Variants in TM9SF3 observed in about 807,000 individuals in gnomAD.
The protein encoded by TM9SF3 is SM-11044-binding protein.
Under a neutral mutation model 78.6 loss-of-function variants are expected in TM9SF3, and 14 were observed. That is an observed-to-expected ratio of 0.18 (90% CI 0.12 to 0.28). TM9SF3 has a LOEUF of 0.28. Ranked by LOEUF, TM9SF3 falls within the 10% of genes least tolerant of loss-of-function variation. The probability of loss-of-function intolerance (pLI) is 1.00; values close to 1 mark genes in which losing one functional copy is unlikely to be tolerated. For synonymous variants in TM9SF3, 231 were observed against 241.7 expected (o/e 0.96, Z 0.41); for missense variants, 496 against 721.9 (o/e 0.69, Z 3.59).
At chr10:96,533,281 C>G in intron 9 of TM9SF3, 91 bp from the exon 10 acceptor site, 1 of 1,442,560 alleles carries the variant, frequency 6.9e-7, no homozygotes, top group East Asian at 2.5e-5. Flanking sequence ...ACAATTTGAC[C>G]ACAAAAGAAA....
At chr10:96,525,841 CA>C (rs886170423) in intron 14 of TM9SF3, among the ~76,000 whole-genome samples, 166 of 151,498 alleles carry the variant, frequency 1.1e-3, no homozygotes, top group African/African-American at 3.8e-3. Flanking sequence ...ACACTGAGCC[CA>C]AAAAAAAGTG....
chr10:96,572,502 C>T (rs1848447101), intron 2 of TM9SF3, among the ~76,000 whole-genome samples: 1 of 151,236 alleles, frequency 6.6e-6, no homozygotes, highest in Non-Finnish European at 1.5e-5. Context: ...TCTAAGTCAG[C>T]CCTTCTATAT....
At chr10:96,549,650 A>T (rs1203495322) in intron 7 of TM9SF3, among the ~76,000 whole-genome samples, 9 of 152,150 alleles carry the variant, frequency 5.9e-5, no homozygotes, top group Admixed American at 5.9e-4. Context: ...GTACTTACAT[A>T]AGTAATGAAT....
At chr10:96,540,705 A>G (rs1380282146) in intron 9 of TM9SF3, among the ~76,000 whole-genome samples, 1 of 145,850 alleles carries the variant, frequency 6.9e-6, no homozygotes, top group Non-Finnish European at 1.5e-5. Context: ...TGCTTGCTTT[A>G]GCGTTTGTGA....
In TM9SF3 at chr10:96,533,160, T is replaced by C. The variant is rs752524997; in HGVS notation, c.1216A>G (p.Ile406Val). ...GTACCAACAAGATTTAGAGGAAGAA[T>C]AACAAAAAAACAGATGCAACAAACG... ...VAVCCICFFVILPLNLVGTIL... is the reference protein window; with the variant it reads ...VAVCCICFFVVLPLNLVGTIL... The change falls in exon 10 of 15, where the codon ATT (isoleucine) becomes GTT (valine). Residue 406 changes from isoleucine (I) to valine (V), a missense_variant. This residue lies in a region of TM9SF3 where 280 missense variants were observed against 422.6 expected (regional missense o/e 0.66). Transcript: ENST00000371142. 7 of 1,613,242 alleles carry C rather than the reference T, an allele frequency of 4.3e-6. No individual in the cohort carries two copies. The African/African-American group carries it at 8.0e-5, about 18-fold the overall frequency.
chr10:96,534,561 C>T (rs1211111075), intron 9 of TM9SF3, among the ~76,000 whole-genome samples: 1 of 151,820 alleles, frequency 6.6e-6, no homozygotes, highest in African/African-American at 2.4e-5. Flanking sequence ...TATATTTTTC[C>T]CTTAGTTTAC....
At chr10:96,583,855 G>A (rs1848601269) in intron 1 of TM9SF3, among the ~76,000 whole-genome samples, 1 of 152,118 alleles carries the variant, frequency 6.6e-6, no homozygotes, top group African/African-American at 2.4e-5. Flanking sequence ...CCAACATGGT[G>A]AAACCTCGTC....
intron 6 of TM9SF3, 65 bp downstream of exon 6, chr10:96,552,863 C>G: frequency 2.9e-6 from 4 of 1,362,406 alleles, no homozygotes; most frequent in Non-Finnish European, 3.8e-6. Flanking sequence ...GACCTACCTC[C>G]CAACATTTAA....
chr10:96,553,189 T>C (rs1303934276), intron 5 of TM9SF3, 130 bp from the exon 6 acceptor site: 3 of 1,009,222 alleles, frequency 3.0e-6, no homozygotes, highest in Non-Finnish European at 4.0e-6. Flanking sequence ...TAGACAAAAA[T>C]CCAAATTTCA....
intron 14 of TM9SF3, among the ~76,000 whole-genome samples, chr10:96,525,850 G>C (rs950592954): frequency 1.3e-5 from 2 of 152,042 alleles, no homozygotes; most frequent in African/African-American, 4.8e-5. Flanking sequence ...CCAAAAAAAA[G>C]TGAGTTACTT....
At chr10:96,559,765 A>T in intron 4 of TM9SF3, 29 bp from the exon 5 acceptor site, 1 of 1,353,800 alleles carries the variant, frequency 7.4e-7, no homozygotes, top group South Asian at 1.3e-5. Context: ...TTTGAAAATA[A>T]AGGCCAGTAA....
At chr10:96,573,030 G>GT (rs1848456457) in intron 2 of TM9SF3, among the ~76,000 whole-genome samples, 1 of 152,160 alleles carries the variant, frequency 6.6e-6, no homozygotes, top group Non-Finnish European at 1.5e-5. Flanking sequence ...AAAAAAAGAT[G>GT]TGTGTGTATG....
chr10:96,570,705 T>C (rs1174487347), intron 2 of TM9SF3, among the ~76,000 whole-genome samples: 1 of 152,182 alleles, frequency 6.6e-6, no homozygotes, highest in East Asian at 1.9e-4. Context: ...ATAAAAAGTA[T>C]GTTAAGTCCA....
chr10:96,549,169 T>TA (rs777400508), intron 7 of TM9SF3, among the ~76,000 whole-genome samples: 8 of 152,340 alleles, frequency 5.3e-5, no homozygotes, highest in South Asian at 4.1e-4. Context: ...CCCACACTGA[T>TA]ACTGATCCTC....
intron 9 of TM9SF3, among the ~76,000 whole-genome samples, chr10:96,537,780 A>T (rs938742654): frequency 4.6e-5 from 7 of 152,222 alleles, no homozygotes; most frequent in East Asian, 3.8e-4. Flanking sequence ...ACAGAAATTT[A>T]AAAAATATCA....
At position 96,519,826 on chromosome 10, in the gene TM9SF3, C is replaced by G. The variant is rs1398758382; in HGVS notation, c.*2437G>C. 4.6e-5 allele frequency: 7 copies of G among 151,724 alleles called. No homozygotes were observed. Among genetic ancestry groups the G allele is most frequent in the Admixed American group, 1.3e-4 (2 of 15,210 alleles). The allele number at this position is 151,724 out of a possible 1,614,324, so 9.4% of individuals were successfully genotyped here. On this transcript the variant is annotated 3_prime_UTR_variant, in exon 15 of 15. Coordinates refer to ENST00000371142, the MANE Select transcript of TM9SF3 (RefSeq NM_020123.4). ...CATACACTTATTCAACCCCTCTATG[C>G]AGCCAAAAACCAATACAAGTCCTTT...
At chr10:96,565,034 T>C (rs769275379) in intron 3 of TM9SF3, among the ~76,000 whole-genome samples, 26 of 152,196 alleles carry the variant, frequency 1.7e-4, no homozygotes, top group Non-Finnish European at 3.4e-4. Context: ...AAGAAATTTT[T>C]AGATTGTTCT....
At position 96,568,674 on chromosome 10, in the gene TM9SF3, A is replaced by G. The variant is rs115401081; in HGVS notation, c.299-3248T>C. On this transcript the variant is annotated intron_variant, in intron 2 of 14. Transcript: ENST00000371142. ...GATAACATTACATTTGGAAAATGAG[A>G]AACAGTCTACCTCTAATTCAGCAGC... Among the ~76,000 whole-genome samples, 823 of 152,310 alleles carry G rather than the reference A, an allele frequency of 5.4e-3. 8 individuals carry two copies. The highest frequency in any genetic ancestry group is 0.019 in the African/African-American group (790 of 41,534).
intron 9 of TM9SF3, among the ~76,000 whole-genome samples, chr10:96,540,618 T>C (rs1802734020): frequency 7.3e-6 from 1 of 136,256 alleles, no homozygotes; most frequent in South Asian, 2.2e-4. Context: ...AGAGCCATTC[T>C]TTTTTTTTTT....
Sources: gnomAD v4.1 joint callset for allele counts (sites outside exome capture counted in the v4.1 genomes callset) on GRCh38, gnomAD v4.1.1 for gene constraint, gnomAD v4.1.1 regional missense constraint, MANE v1.5 for transcripts, NCBI Gene and HGNC (gene_info 2026-07-23, HGNC 2026-07-21) for gene names.